Variants in CASZ1 observed in about 807,000 individuals in gnomAD.
The protein encoded by CASZ1 is zinc finger protein castor homolog 1.
A neutral mutation model predicts 135.2 loss-of-function variants in CASZ1; 28 were observed. The observed-to-expected ratio is 0.21, with a 90% CI of 0.15 to 0.28. CASZ1 has a LOEUF of 0.28. Among genes scored for constraint, CASZ1 ranks in the 10% least tolerant of loss-of-function variants. CASZ1 has a pLI of 1.00. For synonymous variants in CASZ1, 1,068 were observed against 1,073.4 expected (o/e 0.99, Z 0.10); for missense variants, 2,161 against 2,453.3 (o/e 0.88, Z 2.52).
intron 18 of CASZ1, among the ~76,000 whole-genome samples, chr1:10,644,199 C>A (rs1048884473): frequency 6.6e-6 from 1 of 152,176 alleles, no homozygotes; most frequent in Non-Finnish European, 1.5e-5. Flanking sequence ...CCCGCCTGCC[C>A]GTGGGTTCTG....
chr1:10,730,025 G>C (rs939037857), intron 2 of CASZ1, among the ~76,000 whole-genome samples: 6 of 152,160 alleles, frequency 3.9e-5, no homozygotes, highest in African/African-American at 1.2e-4. Context: ...ATGTTGGCCA[G>C]GCTGGTCTCG....
chr1:10,710,971 A>T (rs1318058780), intron 2 of CASZ1, among the ~76,000 whole-genome samples: 1 of 152,188 alleles, frequency 6.6e-6, no homozygotes, highest in African/African-American at 2.4e-5. Flanking sequence ...TCTCTACTAA[A>T]AATACAAATA....
At chr1:10,705,217 T>C (rs1344743255) in intron 3 of CASZ1, among the ~76,000 whole-genome samples, 1 of 152,212 alleles carries the variant, frequency 6.6e-6, no homozygotes, top group Non-Finnish European at 1.5e-5. Context: ...TGCCCCACAC[T>C]GCCCTGAGCA....
At position 10,721,028 on chromosome 1, in the gene CASZ1, T is replaced by G. The variant is rs1029951636; in HGVS notation, c.-76-15484A>C. Among the ~76,000 whole-genome samples, 6 of 152,180 alleles carry G rather than the reference T, an allele frequency of 3.9e-5. No individual in the cohort carries two copies. Among genetic ancestry groups the G allele is most frequent in the African/African-American group, 1.4e-4 (6 of 41,448 alleles). On this transcript the variant is annotated intron_variant, in intron 2 of 20. Coordinates refer to ENST00000377022, the MANE Select transcript of CASZ1 (RefSeq NM_001079843.3). This position sits in a 1 kb window ranked among gnomAD's most constrained non-coding sequence, Gnocchi z 5.4. ...GCAAAGCCACAGAGGGCCCTCATCC[T>G]GCCTCCTCGCCCGTAACTCTGGTGG... is the stretch of plus-strand genomic sequence containing the variant.
chr1:10,742,934 G>A (rs975442862), intron 2 of CASZ1, among the ~76,000 whole-genome samples: 4 of 151,990 alleles, frequency 2.6e-5, no homozygotes, highest in Admixed American at 2.6e-4. Context: ...GCAGTGAGCC[G>A]AGATCACGCC....
At chr1:10,713,097 C>T (rs915198693) in intron 2 of CASZ1, among the ~76,000 whole-genome samples, 1 of 152,214 alleles carries the variant, frequency 6.6e-6, no homozygotes, top group African/African-American at 2.4e-5. Flanking sequence ...CAGGAACTGT[C>T]AGGAGATCAA....
chr1:10,758,393 G>A (rs530817661), intron 2 of CASZ1, among the ~76,000 whole-genome samples: 4 of 149,644 alleles, frequency 2.7e-5, no homozygotes, highest in Admixed American at 6.7e-5. Context: ...GTGCAGTGGC[G>A]CGATCTTGGC....
chr1:10,790,708 T>C (rs979478174), intron 1 of CASZ1, among the ~76,000 whole-genome samples: 1 of 152,248 alleles, frequency 6.6e-6, no homozygotes, highest in African/African-American at 2.4e-5. Flanking sequence ...TAATTGTGTG[T>C]GAGTACAACA....
intron 4 of CASZ1, among the ~76,000 whole-genome samples, chr1:10,678,118 G>A (rs891682269): frequency 2.6e-5 from 4 of 152,182 alleles, no homozygotes; most frequent in African/African-American, 9.7e-5. Context: ...GAGAGGCCCC[G>A]GACAGCAGGC....
At chr1:10,749,477 G>A (rs1005542182) in intron 2 of CASZ1, among the ~76,000 whole-genome samples, 1 of 152,104 alleles carries the variant, frequency 6.6e-6, no homozygotes, top group African/African-American at 2.4e-5. Context: ...TCGATCTCCT[G>A]ATCTTGTGAT....
chr1:10,714,064 TGGGAGGCTGAGGCAGGTGGATCACCTGA>T (rs1382713850), intron 2 of CASZ1, among the ~76,000 whole-genome samples: 1 of 152,196 alleles, frequency 6.6e-6, no homozygotes, highest in Non-Finnish European at 1.5e-5. Context: ...CCCAGCATTT[TGGGAGGCTGAGGCAGGTGGATCACCTGA>T]GGTCACGAGT....
chr1:10,760,294 T>C (rs1640348669), intron 2 of CASZ1, among the ~76,000 whole-genome samples: 1 of 152,248 alleles, frequency 6.6e-6, no homozygotes, highest in Non-Finnish European at 1.5e-5. Context: ...AGTTCCAACC[T>C]AATGCTTAGA....
chr1:10,732,016 T>A (rs1639710091), intron 2 of CASZ1, among the ~76,000 whole-genome samples: 1 of 152,124 alleles, frequency 6.6e-6, no homozygotes, highest in African/African-American at 2.4e-5. Context: ...CTTAATATGC[T>A]AAATATCCAT....
At chr1:10,789,351 G>A (rs1570595121) in intron 1 of CASZ1, among the ~76,000 whole-genome samples, 2 of 150,596 alleles carry the variant, frequency 1.3e-5, no homozygotes, top group Admixed American at 6.6e-5. Context: ...CTTCCCCAGG[G>A]CCTCTGCCTG....
chr1:10,653,128 C>A, intron 11 of CASZ1: 1 of 582,464 alleles, frequency 1.7e-6, no homozygotes, highest in South Asian at 1.8e-5. Context: ...GAGGCAGGGA[C>A]CATCGCCCCC....
chr1:10,712,811 A>G (rs550673320), intron 2 of CASZ1, among the ~76,000 whole-genome samples: 2 of 152,280 alleles, frequency 1.3e-5, no homozygotes, highest in South Asian at 2.1e-4. Flanking sequence ...CCCAATACAC[A>G]CGGCCCAGCC....
chr1:10,720,654 A>G lies in CASZ1; in HGVS notation c.-76-15110T>C, dbSNP rs1639480541. 6.6e-6 allele frequency among the ~76,000 whole-genome samples: 1 copy of G among 152,198 alleles called. No homozygotes were observed. Among genetic ancestry groups the G allele is most frequent in the Non-Finnish European group, 1.5e-5 (1 of 68,028 alleles). On this transcript the variant is annotated intron_variant, in intron 2 of 20. Transcript: ENST00000377022. The surrounding 1 kb of genome is among the most constrained non-coding windows in gnomAD (Gnocchi z 5.7). ...CAGCTTTCTGGGTTATTTCGAGTACATGTGATAATGACTCCAGGCTTCGCT... is the reference window on the plus strand; with the variant it reads ...CAGCTTTCTGGGTTATTTCGAGTACGTGTGATAATGACTCCAGGCTTCGCT...
At chr1:10,645,685 T>C (rs961268001) in intron 17 of CASZ1, among the ~76,000 whole-genome samples, 3 of 152,224 alleles carry the variant, frequency 2.0e-5, no homozygotes, top group African/African-American at 7.2e-5. Context: ...CACTGCTCTA[T>C]ACTAGCACTT....
rs939550639 is a variant in CASZ1 at position 10,788,799 on chromosome 1, G to A, written c.-234+7765C>T. On this transcript the variant is annotated intron_variant, in intron 1 of 20. Coordinates refer to ENST00000377022, the MANE Select transcript of CASZ1 (RefSeq NM_001079843.3). The surrounding 1 kb of genome is among the most constrained non-coding windows in gnomAD (Gnocchi z 4.1). ...GAGCTGTGCCATGCCCTGGGCCAGC[G>A]CCCTCCCTCCTGTGTGCCAGGGCTT... is the stretch of plus-strand genomic sequence containing the variant. Among the ~76,000 whole-genome samples, 3 of 152,076 alleles carry A rather than the reference G, an allele frequency of 2.0e-5. No homozygotes were observed. Among genetic ancestry groups the A allele is most frequent in the Non-Finnish European group, 4.4e-5 (3 of 68,002 alleles).
Sources: gnomAD v4.1 joint callset for allele counts (sites outside exome capture counted in the v4.1 genomes callset) on GRCh38, gnomAD v4.1.1 for gene constraint, Gnocchi (gnomAD v3.1) non-coding constraint, MANE v1.5 for transcripts, NCBI Gene and HGNC (gene_info 2026-07-23, HGNC 2026-07-21) for gene names.